PDE1A: variants seen among roughly 807,000 people sequenced by gnomAD.
The protein encoded by PDE1A is dual specificity calcium/calmodulin-dependent 3',5'-cyclic nucleotide phosphodiesterase 1A.
PDE1A carries 35 observed loss-of-function variants against 61.7 expected under a neutral mutation model. That is an observed-to-expected ratio of 0.57 (90% CI 0.43 to 0.75). The LOEUF (loss-of-function observed/expected upper bound fraction) is 0.75, where lower values mean the gene tolerates loss of function less well. PDE1A is among the 30% of genes least tolerant of loss of function. PDE1A has a pLI of 0.00. For synonymous variants in PDE1A, 232 were observed against 213.2 expected (o/e 1.09, Z -0.77); for missense variants, 597 against 630.6 (o/e 0.95, Z 0.57).
intron 1 of PDE1A, among the ~76,000 whole-genome samples, chr2:182,292,468 T>C (rs1694601481): frequency 6.6e-6 from 1 of 152,012 alleles, no homozygotes; most frequent in Non-Finnish European, 1.5e-5. Flanking sequence ...TAATTTCTGC[T>C]TAGGTTATCT....
At chr2:182,631,737 T>C in the PDE1A span, among the ~76,000 whole-genome samples, 1 of 152,260 alleles carries the variant, frequency 6.6e-6, no homozygotes, top group African/African-American at 2.4e-5. Context: ...TAAATGCTTT[T>C]GTCACAATTT....
chr2:182,187,662 T>C (rs954676449), intron 11 of PDE1A, among the ~76,000 whole-genome samples: 1 of 152,060 alleles, frequency 6.6e-6, no homozygotes, highest in Non-Finnish European at 1.5e-5. Context: ...GTAGTTTTAA[T>C]GGATGCCTTC....
intron 1 of PDE1A, among the ~76,000 whole-genome samples, chr2:182,401,888 A>G (rs1702018323): frequency 1.3e-5 from 2 of 152,180 alleles, no homozygotes; most frequent in South Asian, 4.1e-4. Flanking sequence ...TAACAGACAA[A>G]CAGAGAGCCA....
At chr2:182,298,880 A>G (rs1048161613) in intron 1 of PDE1A, among the ~76,000 whole-genome samples, 2 of 152,108 alleles carry the variant, frequency 1.3e-5, no homozygotes, top group Non-Finnish European at 2.9e-5. Flanking sequence ...AAGGTTGAAT[A>G]TATACAAATA....
intron 13 of PDE1A, chr2:182,185,661 ACC>A: frequency 1.6e-6 from 1 of 639,318 alleles, no homozygotes; most frequent in Non-Finnish European, 2.6e-6. Context: ...GTTTGCCAGC[ACC>A]CACTGACACA....
At chr2:182,294,161 T>C (rs1175400928) in intron 1 of PDE1A, among the ~76,000 whole-genome samples, 3 of 152,148 alleles carry the variant, frequency 2.0e-5, no homozygotes, top group Admixed American at 6.5e-5. Flanking sequence ...GAATTTTCCA[T>C]TTAGTATTTT....
At chr2:182,498,671 G>A (rs1292757905) in intron 2 of PDE1A, among the ~76,000 whole-genome samples, 2 of 152,122 alleles carry the variant, frequency 1.3e-5, no homozygotes, top group African/African-American at 2.4e-5. Flanking sequence ...AAGGCCGGGC[G>A]CGGTAGCTGA....
intron 1 of PDE1A, among the ~76,000 whole-genome samples, chr2:182,301,758 C>A (rs999494769): frequency 4.6e-5 from 7 of 152,160 alleles, no homozygotes; most frequent in African/African-American, 1.7e-4. Context: ...TGCCCCCAAG[C>A]CTAGTGATAA....
At chr2:182,390,407 G>T (rs1170480817) in intron 1 of PDE1A, among the ~76,000 whole-genome samples, 1 of 152,136 alleles carries the variant, frequency 6.6e-6, no homozygotes, top group African/African-American at 2.4e-5. Flanking sequence ...CTTTTGAGGG[G>T]CAAGGAGTTT....
At chr2:182,472,905 T>C (rs920929032) in intron 2 of PDE1A, among the ~76,000 whole-genome samples, 1 of 151,472 alleles carries the variant, frequency 6.6e-6, no homozygotes, top group Non-Finnish European at 1.5e-5. Flanking sequence ...ACCTTTAGTA[T>C]CCAGACTCAT....
chr2:182,458,871 C>A (rs1379386117), intron 2 of PDE1A, among the ~76,000 whole-genome samples: 1 of 152,056 alleles, frequency 6.6e-6, no homozygotes, highest in Non-Finnish European at 1.5e-5. Context: ...CTGATAATTA[C>A]ACCGATAACT....
At chr2:182,195,253 T>C (rs753455919) in intron 10 of PDE1A, among the ~76,000 whole-genome samples, 4 of 152,106 alleles carry the variant, frequency 2.6e-5, no homozygotes, top group Non-Finnish European at 5.9e-5. Flanking sequence ...AAGCTTAAAA[T>C]AGACTAGCAG....
chr2:182,183,975 A>C (rs984095913), intron 13 of PDE1A, among the ~76,000 whole-genome samples: 2 of 150,988 alleles, frequency 1.3e-5, no homozygotes, highest in African/African-American at 4.9e-5. Flanking sequence ...TGAAGAAGGA[A>C]GGAAGGAACA....
chr2:182,166,008 G>A (rs1013303048), downstream of PDE1A, among the ~76,000 whole-genome samples: 1 of 152,068 alleles, frequency 6.6e-6, no homozygotes, highest in Non-Finnish European at 1.5e-5. Flanking sequence ...AGTACACGTT[G>A]GCTTGTAAAC....
At chr2:182,388,111 G>A (rs942789006) in intron 1 of PDE1A, among the ~76,000 whole-genome samples, 47 of 152,140 alleles carry the variant, frequency 3.1e-4, no homozygotes, top group African/African-American at 1.1e-3. Flanking sequence ...TGATGGAGGG[G>A]TCAATTAAGC....
chr2:182,147,134 T>C (rs750607847), exon 14 of PDE1A: 15 of 1,601,396 alleles, frequency 9.4e-6, no homozygotes, highest in Non-Finnish European at 1.3e-5. Context: ...TTCTGAGTTC[T>C]TATGAAGATC....
At chr2:182,419,272 T>C (rs1002287839) in intron 1 of PDE1A, among the ~76,000 whole-genome samples, 2 of 152,146 alleles carry the variant, frequency 1.3e-5, no homozygotes, top group Non-Finnish European at 2.9e-5. Flanking sequence ...TACAAAATTA[T>C]ATACAAGTTA....
In PDE1A at chr2:182,318,806, C is replaced by A. The variant is rs545365080; in HGVS notation, c.54-54392G>T. Among the ~76,000 whole-genome samples, 5 of 152,250 alleles carry A rather than the reference C, an allele frequency of 3.3e-5. No homozygotes were observed. The South Asian group carries it at 1.0e-3, about 32-fold the overall frequency. On this transcript the variant is annotated intron_variant, in intron 1 of 13. Transcript: ENST00000351439. ...TTTTCACTAGAGTCACCCTCAGCTGCAATCTATATGATATGAGCTCTTCTT... is the reference window on the plus strand; with the variant it reads ...TTTTCACTAGAGTCACCCTCAGCTGAAATCTATATGATATGAGCTCTTCTT...
intron 13 of PDE1A, among the ~76,000 whole-genome samples, chr2:182,160,374 C>T (rs914002063): frequency 4.6e-5 from 7 of 152,080 alleles, no homozygotes; most frequent in African/African-American, 1.2e-4. Context: ...CTGGGCCACC[C>T]TCAATGTGGG....
Sources: allele counts gnomAD v4.1 joint callset (sites outside exome capture counted in the v4.1 genomes callset), GRCh38; gene constraint gnomAD v4.1.1; transcripts MANE v1.5; gene names NCBI Gene and HGNC (gene_info 2026-07-23, HGNC 2026-07-21).